Variants in CSRNP3 observed in about 807,000 individuals in gnomAD.
The protein encoded by CSRNP3 is cysteine/serine-rich nuclear protein 3.
Under a neutral mutation model 48.0 loss-of-function variants are expected in CSRNP3, and 12 were observed. The observed-to-expected ratio is 0.25, with a 90% CI of 0.16 to 0.41. The LOEUF is 0.41. CSRNP3 is among the 10% of genes least tolerant of loss of function. The pLI is 1.00. For missense variants in CSRNP3, 580 were observed against 724.4 expected (o/e 0.80, Z 2.29); for synonymous variants, 263 against 269.7 (o/e 0.98, Z 0.24).
intron 3 of CSRNP3, among the ~76,000 whole-genome samples, chr2:165,581,307 G>A (rs1685541554): frequency 6.6e-6 from 1 of 152,202 alleles, no homozygotes; most frequent in African/African-American, 2.4e-5. Context: ...CCCAGCCAGA[G>A]AGAGTCATGG....
intron 4 of CSRNP3, among the ~76,000 whole-genome samples, chr2:165,605,531 A>G (rs1003644746): frequency 1.3e-5 from 2 of 152,174 alleles, no homozygotes. Context: ...GCGATAGATG[A>G]AATGAGACTG....
intron 5 of CSRNP3, among the ~76,000 whole-genome samples, chr2:165,666,064 AAGAAAG>A (rs1687187720): frequency 8.6e-5 from 4 of 46,728 alleles, no homozygotes; most frequent in South Asian, 2.3e-3. Flanking sequence ...GAGAGGAAGA[AAGAAAG>A]AGAGAGAGAG....
Position 165,679,696 on chromosome 2 carries a change from G to T in CSRNP3, c.1701G>T (p.Lys567Asn). The change falls in exon 7 of 7, where the codon AAG becomes AAT. Residue 567 changes from lysine (K) to asparagine (N), a missense_variant. Physicochemically the swap from Lys to Asn is moderately conservative, Grantham distance 94 (BLOSUM62 0). Around this residue, in one of 4 missense-constraint regions of CSRNP3, gnomAD observed 369 missense variants for 380.8 expected, o/e 0.97. Transcript: ENST00000651982. ...PAENSLSLAE[K>N]SILHEECIKS... is the part of the protein sequence containing the mutation. Reference sequence around the variant, plus strand: ...AAAATTCTTTGAGCCTTGCAGAAAAGAGCATATTGCATGAAGAGTGCATCA... The same window carrying T: ...AAAATTCTTTGAGCCTTGCAGAAAATAGCATATTGCATGAAGAGTGCATCA... The T allele has an allele frequency of 6.2e-7, 1 of 1,614,108 alleles. No homozygotes were observed. The highest frequency in any genetic ancestry group is 8.5e-7 in the Non-Finnish European group (1 of 1,179,994).
At chr2:165,647,127 T>C (rs1686824961) in intron 4 of CSRNP3, among the ~76,000 whole-genome samples, 1 of 151,946 alleles carries the variant, frequency 6.6e-6, no homozygotes, top group Non-Finnish European at 1.5e-5. Context: ...CCATCTGTGG[T>C]TCATAAGGAT....
intron 1 of CSRNP3, among the ~76,000 whole-genome samples, chr2:165,472,694 A>G (rs1683910636): frequency 6.6e-6 from 1 of 152,054 alleles, no homozygotes; most frequent in African/African-American, 2.4e-5. Flanking sequence ...AATTCAGATG[A>G]GATTCCTAAC....
At chr2:165,618,383 T>C (rs1388345749) in intron 4 of CSRNP3, among the ~76,000 whole-genome samples, 2 of 152,210 alleles carry the variant, frequency 1.3e-5, no homozygotes, top group Non-Finnish European at 2.9e-5. Context: ...ATTTGACATG[T>C]TAGCTACAAA....
chr2:165,636,022 G>A (rs1458082696), intron 4 of CSRNP3, among the ~76,000 whole-genome samples: 1 of 152,064 alleles, frequency 6.6e-6, no homozygotes, highest in East Asian at 1.9e-4. Flanking sequence ...ACACACCATG[G>A]GGAGTAAGAA....
intron 4 of CSRNP3, among the ~76,000 whole-genome samples, chr2:165,644,209 A>G (rs1312470769): frequency 6.6e-6 from 1 of 152,130 alleles, no homozygotes; most frequent in Non-Finnish European, 1.5e-5. Context: ...AAAATATAGC[A>G]TATTTCAAAT....
At chr2:165,516,793 A>G (rs1394341982) in intron 2 of CSRNP3, among the ~76,000 whole-genome samples, 7 of 152,120 alleles carry the variant, frequency 4.6e-5, no homozygotes, top group African/African-American at 1.2e-4. Context: ...GTTTATTCCA[A>G]TTCTTTATCT....
At chr2:165,602,957 C>T (rs1374194661) in intron 4 of CSRNP3, among the ~76,000 whole-genome samples, 1 of 151,956 alleles carries the variant, frequency 6.6e-6, no homozygotes, top group African/African-American at 2.4e-5. Context: ...TGCAGTGGCG[C>T]AATCTCGGCT....
At chr2:165,545,588 G>T (rs955303941) in intron 3 of CSRNP3, among the ~76,000 whole-genome samples, 24 of 152,092 alleles carry the variant, frequency 1.6e-4, no homozygotes, top group Non-Finnish European at 2.6e-4. Flanking sequence ...CTGGGTTATT[G>T]TCACTTATTT....
At chr2:165,678,478 C>G (rs143784737) in intron 6 of CSRNP3, among the ~76,000 whole-genome samples, 1 of 152,072 alleles carries the variant, frequency 6.6e-6, no homozygotes, top group Admixed American at 6.5e-5. Flanking sequence ...ATGCCCATAA[C>G]CCATTTTTAT....
chr2:165,600,611 T>G (rs1685898714), intron 4 of CSRNP3, among the ~76,000 whole-genome samples: 1 of 152,228 alleles, frequency 6.6e-6, no homozygotes, highest in Non-Finnish European at 1.5e-5. Flanking sequence ...TCCTGACTTT[T>G]TAATGATTGC....
At chr2:165,598,349 A>G (rs570883614) in intron 4 of CSRNP3, among the ~76,000 whole-genome samples, 15 of 152,336 alleles carry the variant, frequency 9.8e-5, no homozygotes, top group Admixed American at 2.0e-4. Context: ...CTGTACATGC[A>G]CAAAGGTAAA....
At position 165,559,796 on chromosome 2, in the gene CSRNP3, CTTT is replaced by C. The variant is rs11313094; in HGVS notation, c.-23-35228_-23-35226del. On this transcript the variant is annotated intron_variant, in intron 3 of 6. Coordinates refer to ENST00000651982, the MANE Select transcript of CSRNP3 (RefSeq NM_001172173.2). ...CTGAATGTAATATTTTTCTTTCTTT[CTTT>C]TTTTTTTTTTTTTTTTTTGAGATGG... Among the ~76,000 whole-genome samples, 344 of 98,398 alleles carry C rather than the reference CTTT, an allele frequency of 3.5e-3. 1 individual carries two copies. Among genetic ancestry groups the C allele is most frequent in the African/African-American group, 0.013 (329 of 24,888 alleles). 64.6% of individuals were successfully genotyped at this position (98,398 alleles called of 152,430 possible).
intron 2 of CSRNP3, among the ~76,000 whole-genome samples, 183 bp downstream of exon 2, chr2:165,495,111 T>C (rs1335211922): frequency 6.6e-6 from 1 of 152,094 alleles, no homozygotes; most frequent in Admixed American, 6.6e-5. Flanking sequence ...TTCTCATTTC[T>C]ATGGAGTGAG....
At chr2:165,616,876 C>G (rs1235764407) in intron 4 of CSRNP3, among the ~76,000 whole-genome samples, 1 of 151,674 alleles carries the variant, frequency 6.6e-6, no homozygotes, top group Non-Finnish European at 1.5e-5. Context: ...GTTTTTTGGT[C>G]TGACTGGGTT....
intron 5 of CSRNP3, among the ~76,000 whole-genome samples, chr2:165,667,550 G>T (rs114559397): frequency 0.02 from 3,105 of 152,038 alleles, 109 homozygotes; most frequent in African/African-American, 0.071. Context: ...CTGTTTCATT[G>T]CCTCAAAACA....
intron 3 of CSRNP3, among the ~76,000 whole-genome samples, chr2:165,594,494 G>C (rs757336367): frequency 3.3e-5 from 5 of 152,164 alleles, no homozygotes; most frequent in Non-Finnish European, 5.9e-5. Flanking sequence ...TTCTGAAAAA[G>C]TGGCCAGGGC....
Sources: gnomAD v4.1 joint callset for allele counts (sites outside exome capture counted in the v4.1 genomes callset) on GRCh38, gnomAD v4.1.1 for gene constraint, gnomAD v4.1.1 regional missense constraint, MANE v1.5 for transcripts, NCBI Gene and HGNC (gene_info 2026-07-23, HGNC 2026-07-21) for gene names.